Variants in TMEFF2 observed in about 807,000 individuals in gnomAD.
TMEFF2 encodes transmembrane protein with EGF like and two follistatin like domains 2.
TMEFF2 carries 28 observed loss-of-function variants against 53.8 expected under a neutral mutation model. The ratio of observed to expected loss-of-function variants is 0.52; its 90% CI spans 0.39 to 0.71. TMEFF2 has a LOEUF of 0.71. TMEFF2 is among the 30% of genes least tolerant of loss of function. The pLI is 0.00. For missense variants in TMEFF2, 353 were observed against 455.2 expected (o/e 0.78, Z 2.04); for synonymous variants, 162 against 166.3 (o/e 0.97, Z 0.20).
chr2:191,949,376 C>G lies in TMEFF2; in HGVS notation c.*935G>C. 1.0e-6 allele frequency: 1 copy of G among 985,360 alleles called. No homozygotes were observed. The highest frequency in any genetic ancestry group is 1.2e-6 in the Non-Finnish European group (1 of 829,896). 61.0% of individuals were successfully genotyped at this position (985,360 alleles called of 1,614,324 possible). ...ACAAATTATGGTGCTGCATTAGCCA[C>G]AAAGCTATTCATGGGGTATTGGTTG... is the stretch of plus-strand genomic sequence containing the variant. On this transcript the variant is annotated 3_prime_UTR_variant, in exon 10 of 10. Transcript: ENST00000272771.
intron 5 of TMEFF2, among the ~76,000 whole-genome samples, chr2:192,048,980 A>G (rs1360460054): frequency 6.6e-6 from 1 of 152,208 alleles, no homozygotes. Context: ...CTTGAAGGGG[A>G]CTACAAAGAA....
Position 192,112,548 on chromosome 2 carries a change from G to A in TMEFF2, c.440-54773C>T, listed in dbSNP as rs115196767. Among the ~76,000 whole-genome samples, 346 of 152,240 alleles carry A rather than the reference G, an allele frequency of 2.3e-3. 2 individuals carry two copies. The highest frequency in any genetic ancestry group is 7.6e-3 in the African/African-American group (316 of 41,558). ...GATGGAGGGGACTTGCCTTGTCTCCGATGAGACTTTGGACTCTGGGCTTCT... is the reference window on the plus strand; with the variant it reads ...GATGGAGGGGACTTGCCTTGTCTCCAATGAGACTTTGGACTCTGGGCTTCT... On this transcript the variant is annotated intron_variant, in intron 4 of 9. Coordinates refer to ENST00000272771, the MANE Select transcript of TMEFF2 (RefSeq NM_016192.4).
intron 4 of TMEFF2, among the ~76,000 whole-genome samples, chr2:192,101,399 A>G (rs1327711075): frequency 6.6e-6 from 1 of 152,252 alleles, no homozygotes. Flanking sequence ...TGTTATTTAC[A>G]AAACAACAAT....
chr2:192,007,725 C>T (rs920483900), intron 5 of TMEFF2, among the ~76,000 whole-genome samples: 12 of 152,138 alleles, frequency 7.9e-5, no homozygotes, highest in Admixed American at 7.2e-4. Context: ...GAAAGCGGTG[C>T]TTTAGAAAGA....
chr2:192,051,859 C>T (rs1687782121), intron 5 of TMEFF2, among the ~76,000 whole-genome samples: 1 of 152,230 alleles, frequency 6.6e-6, no homozygotes, highest in South Asian at 2.1e-4. Context: ...ATCCCACACC[C>T]TGTTTCAGTT....
At chr2:192,137,057 G>A (rs1389498869) in intron 4 of TMEFF2, among the ~76,000 whole-genome samples, 1 of 152,192 alleles carries the variant, frequency 6.6e-6, no homozygotes, top group Non-Finnish European at 1.5e-5. Flanking sequence ...ATACCGTTAA[G>A]GATAAAGGAT....
At chr2:192,010,507 C>T (rs1305963469) in intron 5 of TMEFF2, among the ~76,000 whole-genome samples, 1 of 143,788 alleles carries the variant, frequency 7.0e-6, no homozygotes, top group Non-Finnish European at 1.5e-5. Context: ...TGGAGGTCTG[C>T]AGCTATTACT....
chr2:192,007,771 T>C (rs947623705), intron 5 of TMEFF2, among the ~76,000 whole-genome samples: 1 of 152,160 alleles, frequency 6.6e-6, no homozygotes, highest in Non-Finnish European at 1.5e-5. Context: ...GAGGGACTAG[T>C]TCCCAGGCTA....
intron 4 of TMEFF2, among the ~76,000 whole-genome samples, chr2:192,075,301 AT>A (rs1688390335): frequency 2.3e-5 from 1 of 42,866 alleles, no homozygotes; most frequent in Non-Finnish European, 5.4e-5. Context: ...ATATATATAT[AT>A]ATATATATAT....
At chr2:192,028,627 T>A (rs1480096086) in intron 5 of TMEFF2, 3 of 152,056 alleles carry the variant, frequency 2.0e-5, no homozygotes, top group Non-Finnish European at 2.9e-5. Flanking sequence ...AGTCATTTCT[T>A]ATCAGCAAGC....
intron 7 of TMEFF2, among the ~76,000 whole-genome samples, chr2:191,987,194 A>T (rs1210926115): frequency 6.6e-6 from 1 of 152,066 alleles, no homozygotes; most frequent in African/African-American, 2.4e-5. Flanking sequence ...CCTTCCCCAG[A>T]CAATCAAAAA....
intron 4 of TMEFF2, among the ~76,000 whole-genome samples, chr2:192,140,275 C>T (rs1489532430): frequency 9.2e-5 from 14 of 152,112 alleles, no homozygotes; most frequent in Admixed American, 6.5e-4. Flanking sequence ...GAGTTTTAAT[C>T]GAGCTTTATA....
chr2:192,013,235 A>T, intron 5 of TMEFF2, among the ~76,000 whole-genome samples: 1 of 151,962 alleles, frequency 6.6e-6, no homozygotes, highest in African/African-American at 2.4e-5. Context: ...GATCAATCTT[A>T]TACACTCTTT....
At chr2:192,075,653 A>G (rs2105920708) in intron 4 of TMEFF2, among the ~76,000 whole-genome samples, 1 of 151,976 alleles carries the variant, frequency 6.6e-6, no homozygotes, top group African/African-American at 2.4e-5. Flanking sequence ...TTGCCTTGAT[A>G]TTTTGGAGAT....
chr2:192,101,597 T>A, intron 4 of TMEFF2, among the ~76,000 whole-genome samples: 1 of 152,202 alleles, frequency 6.6e-6, no homozygotes, highest in South Asian at 2.1e-4. Context: ...GTACTGTTAT[T>A]TTATAAAGAA....
chr2:191,958,377 C>T (rs1368748726), intron 7 of TMEFF2, among the ~76,000 whole-genome samples: 1 of 152,214 alleles, frequency 6.6e-6, no homozygotes, highest in Non-Finnish European at 1.5e-5. Flanking sequence ...TTCAGTTATA[C>T]ACTGTCTTTT....
Position 191,998,261 on chromosome 2 carries a change from C to A in TMEFF2, c.745+1G>T, listed in dbSNP as rs1686271594. The A allele has an allele frequency of 1.3e-6, 2 of 1,589,450 alleles. No individual in the cohort carries two copies. Among genetic ancestry groups the A allele is most frequent in the African/African-American group, 2.7e-5 (2 of 73,422 alleles). ...ATTTTGTAGAAGAAAATATTATGTA[C>A]CTGCATAATCTGTTCTTGCATAATG... On this transcript the variant is annotated splice_donor_variant, in intron 7 of 9. Coordinates refer to ENST00000272771, the MANE Select transcript of TMEFF2 (RefSeq NM_016192.4). LOFTEE classifies it high-confidence loss of function.
At chr2:192,075,332 T>TATATATATATATATATATATAC (rs796267672) in intron 4 of TMEFF2, among the ~76,000 whole-genome samples, 27 of 88,138 alleles carry the variant, frequency 3.1e-4, no homozygotes, top group African/African-American at 9.8e-4. Context: ...TATATATATA[T>TATATATATATATATATATATAC]ACATACATAC....
intron 4 of TMEFF2, among the ~76,000 whole-genome samples, chr2:192,092,647 TA>T (rs1420163070): frequency 6.6e-6 from 1 of 152,072 alleles, no homozygotes; most frequent in African/African-American, 2.4e-5. Context: ...CTGATGTGAG[TA>T]AGGACTTTGA....
Sources: gnomAD v4.1 joint callset for allele counts (sites outside exome capture counted in the v4.1 genomes callset) on GRCh38, gnomAD v4.1.1 for gene constraint, MANE v1.5 for transcripts, NCBI Gene and HGNC (gene_info 2026-07-23, HGNC 2026-07-21) for gene names.